Variants in ZNF532 observed in about 807,000 individuals in gnomAD.
ZNF532 encodes the protein zinc finger protein 532.
Under a neutral mutation model 89.3 loss-of-function variants are expected in ZNF532, and 22 were observed. The ratio of observed to expected loss-of-function variants is 0.25; its 90% CI spans 0.18 to 0.35. The LOEUF is 0.35. ZNF532 is among the 10% of genes least tolerant of loss of function. The pLI, the probability that ZNF532 is intolerant of heterozygous loss-of-function variation, is 1.00. For missense variants in ZNF532, 1,132 were observed against 1,643.4 expected (o/e 0.69, Z 5.38); for synonymous variants, 606 against 649.6 (o/e 0.93, Z 1.02).
chr18:58,908,652 T>C (rs2060093044), intron 2 of ZNF532, among the ~76,000 whole-genome samples: 1 of 152,214 alleles, frequency 6.6e-6, no homozygotes, highest in Admixed American at 6.5e-5. Flanking sequence ...TAAAAGTAAC[T>C]CTAATGCATA....
intron 5 of ZNF532, among the ~76,000 whole-genome samples, chr18:58,943,459 C>G (rs990917726): frequency 3.0e-5 from 4 of 131,322 alleles, no homozygotes; most frequent in African/African-American, 1.2e-4. Context: ...CGCGCCCAGC[C>G]TTTTTTTTTT....
At chr18:58,888,724 T>TAAA (rs1555708968) in intron 2 of ZNF532, among the ~76,000 whole-genome samples, 1 of 37,826 alleles carries the variant, frequency 2.6e-5, no homozygotes, top group East Asian at 8.4e-4. Context: ...TATATATATA[T>TAAA]AAATTATATA....
chr18:58,920,485 G>A lies in ZNF532; in HGVS notation c.2198G>A (p.Ser733Asn), dbSNP rs1292557078. 6.2e-7 allele frequency: 1 copy of A among 1,613,874 alleles called. No homozygotes were observed. Among genetic ancestry groups the A allele is most frequent in the Non-Finnish European group, 8.5e-7 (1 of 1,179,850 alleles). Residue 733 changes from serine to asparagine, a missense_variant, in exon 3 of 10, where the codon AGC becomes AAC. By Grantham distance (46) the Ser-to-Asn change is conservative. Transcript: ENST00000591808. Reference protein sequence around the residue: ...ITGTVISAPSSTPITPAMPLD... With the variant: ...ITGTVISAPSNTPITPAMPLD... ...GGGACAGTCATATCGGCTCCTTCAA[G>A]CACTCCCATCACCCCAGCCATGCCC...
intron 7 of ZNF532, among the ~76,000 whole-genome samples, chr18:58,976,035 A>AAGTT (rs1274640777): frequency 3.3e-5 from 5 of 152,232 alleles, no homozygotes; most frequent in African/African-American, 4.8e-5. Flanking sequence ...TGAGGAACAG[A>AAGTT]AGTTACGAAA....
chr18:58,954,200 TG>T (rs1161521185), intron 7 of ZNF532: 20 of 990,414 alleles, frequency 2.0e-5, no homozygotes, highest in Non-Finnish European at 2.4e-5. Context: ...GTAGCATTTG[TG>T]TGACTTACAT....
At position 58,895,018 on chromosome 18, in the gene ZNF532, C is replaced by T. The variant is rs144130911; in HGVS notation, c.-17-23253C>T. ...AAAAGTTACTATCCCACAGGAAGAG[C>T]CAAAAGAAATTGTGCCTGAGCCATT... On this transcript the variant is annotated intron_variant, in intron 2 of 9. Coordinates refer to ENST00000591808, the MANE Select transcript of ZNF532 (RefSeq NM_001375912.1). 3.4e-4 allele frequency among the ~76,000 whole-genome samples: 52 copies of T among 152,306 alleles called. No individual in the cohort carries two copies. The East Asian group carries it at 9.3e-3, about 27-fold the overall frequency.
intron 2 of ZNF532, among the ~76,000 whole-genome samples, chr18:58,882,334 T>C (rs180880909): frequency 3.3e-5 from 5 of 152,304 alleles, no homozygotes; most frequent in South Asian, 4.1e-4. Context: ...GGAGAGGAAG[T>C]ACTGCCAAGA....
intron 2 of ZNF532, among the ~76,000 whole-genome samples, chr18:58,871,149 A>T (rs2056946863): frequency 6.6e-6 from 1 of 152,196 alleles, no homozygotes; most frequent in Admixed American, 6.5e-5. Flanking sequence ...AGGGCAGAAG[A>T]TTCCCAGGAA....
In ZNF532 at chr18:58,919,082, C is replaced by G. The variant is rs146293537; in HGVS notation, c.795C>G (p.Ser265=). The G allele has an allele frequency of 5.0e-6, 8 of 1,614,076 alleles. No individual in the cohort carries two copies. In the African/African-American group the frequency reaches 1.1e-4, roughly 22 times the overall value. Residue 265 remains serine (S), a synonymous_variant, in exon 3 of 10, where the codon TCC becomes TCG. Coordinates refer to ENST00000591808, the MANE Select transcript of ZNF532 (RefSeq NM_001375912.1). The surrounding 1 kb of genome is among the most constrained non-coding windows in gnomAD (Gnocchi z 6.1). ...CGCCATCAAAGACAAAGTCGTCCTC[C>G]AAGCTCTCGTCCTGCATCGCTGCCA... ...SVAPSKTKSS[S]KLSSCIAAIA... is the part of the protein sequence containing the mutation.
chr18:58,875,524 C>T (rs1045367000), intron 2 of ZNF532, among the ~76,000 whole-genome samples: 2 of 152,108 alleles, frequency 1.3e-5, no homozygotes, highest in African/African-American at 4.8e-5. Context: ...TAGTTTGGCC[C>T]CTTTTTCTCT....
At chr18:58,904,743 A>G (rs916188021) in intron 2 of ZNF532, among the ~76,000 whole-genome samples, 12 of 152,210 alleles carry the variant, frequency 7.9e-5, no homozygotes, top group African/African-American at 2.7e-4. Context: ...ATCTCCGGCC[A>G]CAGACTGGGG....
rs116636332 is a variant in ZNF532 at position 58,932,675 on chromosome 18, C to T, written c.2347-1758C>T. Among the ~76,000 whole-genome samples, 233 of 152,192 alleles carry T rather than the reference C, an allele frequency of 1.5e-3. 1 individual carries two copies. Among genetic ancestry groups the T allele is most frequent in the African/African-American group, 5.3e-3 (218 of 41,522 alleles). ...GAGTTTCTTAACTTTACTGAGCCTT[C>T]GTTTCCTTATCTGTAAAGTGGAGAT... On this transcript the variant is annotated intron_variant, in intron 3 of 9. Transcript: ENST00000591808.
At chr18:58,957,325 G>C (rs894948947) in intron 7 of ZNF532, among the ~76,000 whole-genome samples, 3 of 150,960 alleles carry the variant, frequency 2.0e-5, no homozygotes, top group Admixed American at 6.6e-5. Flanking sequence ...GAAATATTAT[G>C]CATTAGGATA....
At chr18:58,892,666 C>T (rs983847600) in intron 2 of ZNF532, among the ~76,000 whole-genome samples, 4 of 152,220 alleles carry the variant, frequency 2.6e-5, no homozygotes, top group East Asian at 3.8e-4. Context: ...CGCTTCACAA[C>T]GATGCTACTT....
intron 2 of ZNF532, among the ~76,000 whole-genome samples, chr18:58,883,729 G>A (rs902844491): frequency 6.6e-6 from 1 of 151,986 alleles, no homozygotes; most frequent in Non-Finnish European, 1.5e-5. Context: ...GTCTTAGGAT[G>A]TTTAGCAGCA....
intron 2 of ZNF532, among the ~76,000 whole-genome samples, chr18:58,894,913 G>A (rs1048286839): frequency 6.6e-6 from 1 of 152,178 alleles, no homozygotes; most frequent in Non-Finnish European, 1.5e-5. Flanking sequence ...GATCATGTGA[G>A]CCCAGGAGTT....
At chr18:58,953,080 G>A (rs778079995) in intron 6 of ZNF532, 37 of 156,160 alleles carry the variant, frequency 2.4e-4, no homozygotes, top group Non-Finnish European at 8.5e-5. Flanking sequence ...GATCTTAGAT[G>A]TTTGCTCAAG....
At chr18:58,889,792 C>T (rs931732828) in intron 2 of ZNF532, among the ~76,000 whole-genome samples, 1 of 146,230 alleles carries the variant, frequency 6.8e-6, no homozygotes, top group Non-Finnish European at 1.5e-5. Context: ...AACAAAAAAA[C>T]CCCAAAATTT....
intron 7 of ZNF532, among the ~76,000 whole-genome samples, chr18:58,966,971 C>T (rs1383020397): frequency 1.3e-5 from 2 of 152,030 alleles, no homozygotes; most frequent in African/African-American, 2.4e-5. Context: ...ATGGTGTGCA[C>T]GTTTTCTCAT....
Sources: allele counts gnomAD v4.1 joint callset (sites outside exome capture counted in the v4.1 genomes callset), GRCh38; gene constraint gnomAD v4.1.1; non-coding constraint Gnocchi (gnomAD v3.1); transcripts MANE v1.5; gene names NCBI Gene and HGNC (gene_info 2026-07-23, HGNC 2026-07-21).